Variants in FAM47E observed in about 807,000 individuals in gnomAD.
FAM47E encodes the protein protein FAM47E.
A neutral mutation model predicts 41.6 loss-of-function variants in FAM47E; 32 were observed. The ratio of observed to expected loss-of-function variants is 0.77; its 90% confidence interval spans 0.58 to 1.03. The LOEUF is 1.03. FAM47E is among the 50% of genes least tolerant of loss of function. The pLI is 0.00. For missense variants in FAM47E, 424 were observed against 485.4 expected (o/e 0.87, Z 1.19); for synonymous variants, 184 against 188.7 (o/e 0.98, Z 0.20).
At chr4:76,263,575 A>C in intron 2 of FAM47E, 129 bp from the exon 3 acceptor site, 1 of 1,102,124 alleles carries the variant, frequency 9.1e-7, no homozygotes, top group East Asian at 2.6e-5. Flanking sequence ...CTTGGCACAG[A>C]AGTTGGTGAA....
At chr4:76,219,202 G>C (rs1733266109) in intron 2 of FAM47E, among the ~76,000 whole-genome samples, 1 of 152,190 alleles carries the variant, frequency 6.6e-6, no homozygotes, top group Admixed American at 6.5e-5. Flanking sequence ...ATGGTGACCT[G>C]GGCATCCAGG....
chr4:76,245,440 C>T (rs1733805030), intron 2 of FAM47E, among the ~76,000 whole-genome samples: 1 of 152,048 alleles, frequency 6.6e-6, no homozygotes, highest in African/African-American at 2.4e-5. Context: ...CTGGTGGGAG[C>T]TCCAAGAGAA....
chr4:76,275,607 G>A (rs1009866877), intron 5 of FAM47E, among the ~76,000 whole-genome samples: 5 of 152,126 alleles, frequency 3.3e-5, no homozygotes, highest in East Asian at 1.9e-4. Flanking sequence ...TAACTATAGC[G>A]AAATGATGTC....
At chr4:76,224,760 T>C (rs1733366125) in intron 2 of FAM47E, among the ~76,000 whole-genome samples, 1 of 152,058 alleles carries the variant, frequency 6.6e-6, no homozygotes, top group African/African-American at 2.4e-5. Context: ...TTATTTATTT[T>C]TAATTTCAGA....
chr4:76,223,573 G>T (rs531931986), intron 2 of FAM47E, among the ~76,000 whole-genome samples: 7 of 152,168 alleles, frequency 4.6e-5, no homozygotes, highest in African/African-American at 1.7e-4. Flanking sequence ...ATCCCAAGAC[G>T]TTGCATTGGA....
chr4:76,279,769 GA>G (rs2110029297), intron 6 of FAM47E: 1 of 152,670 alleles, frequency 6.6e-6, no homozygotes, highest in South Asian at 2.1e-4. Flanking sequence ...ATTCTTGATA[GA>G]TTTGGTTTGG....
chr4:76,256,733 C>T (rs1247692804), intron 2 of FAM47E, among the ~76,000 whole-genome samples: 1 of 152,192 alleles, frequency 6.6e-6, no homozygotes, highest in East Asian at 1.9e-4. Context: ...GCACACTGCT[C>T]TCTTTGCTTC....
At chr4:76,254,980 C>A (rs571605599) in intron 1 of FAM47E, among the ~76,000 whole-genome samples, 45 of 152,124 alleles carry the variant, frequency 3.0e-4, no homozygotes, top group African/African-American at 8.2e-4. Flanking sequence ...ATATATATGG[C>A]GGTGGGAGAG....
upstream of FAM47E, among the ~76,000 whole-genome samples, chr4:76,251,147 G>T (rs1297787771): frequency 6.6e-6 from 1 of 152,080 alleles, no homozygotes; most frequent in Non-Finnish European, 1.5e-5. Context: ...TGCCTACCAG[G>T]GTCAGCTGGA....
chr4:76,275,250 C>T (rs1430601474), intron 5 of FAM47E, among the ~76,000 whole-genome samples: 1 of 152,096 alleles, frequency 6.6e-6, no homozygotes, highest in Non-Finnish European at 1.5e-5. Flanking sequence ...TCATAGTATT[C>T]TCGCTGCCTG....
At chr4:76,281,940 T>G (rs1393220463) in intron 7 of FAM47E, 1 of 152,184 alleles carries the variant, frequency 6.6e-6, no homozygotes, top group Non-Finnish European at 1.5e-5. Context: ...GCATTTATTA[T>G]TAAGTTTAGT....
Position 76,278,049 on chromosome 4 carries a change from A to AC in FAM47E, c.871-20_871-19insC. 3 of 1,466,872 alleles carry AC rather than the reference A, an allele frequency of 2.0e-6. No homozygotes were observed. The highest frequency in any genetic ancestry group is 2.7e-6 in the Non-Finnish European group (3 of 1,110,816). 90.9% of individuals were successfully genotyped at this position (1,466,872 alleles called of 1,614,324 possible). The stretch of plus-strand genomic sequence containing the variant: ...CAAACAAAAAATCAATGGCACTGGG[A>AC]ATTATGTTACTTTCCACAGAATCCT... On this transcript the variant is annotated intron_variant, in intron 5 of 7. Coordinates refer to ENST00000424749, the MANE Select transcript of FAM47E (RefSeq NM_001136570.3).
At chr4:76,258,893 A>G (rs1162870644) in intron 2 of FAM47E, among the ~76,000 whole-genome samples, 1 of 152,222 alleles carries the variant, frequency 6.6e-6, no homozygotes, top group Non-Finnish European at 1.5e-5. Context: ...GGAGATGAGT[A>G]TAAGTGTCAA....
Position 76,271,698 on chromosome 4 carries a change from G to A in FAM47E, c.800G>A (p.Gly267Glu), listed in dbSNP as rs1295916890. The A allele has an allele frequency of 1.3e-6, 2 of 1,551,658 alleles. No individual in the cohort carries two copies. Among genetic ancestry groups the A allele is most frequent in the Non-Finnish European group, 1.7e-6 (2 of 1,147,016 alleles). ...CCTCTGGAGCTAAAGCGTAGTGTGGGGCTCAGTAAACTGCAGGAGACAGAG... is the reference window on the plus strand; with the variant it reads ...CCTCTGGAGCTAAAGCGTAGTGTGGAGCTCAGTAAACTGCAGGAGACAGAG... ...QVPLELKRSV[G>E]LSKLQETEFF... Residue 267 changes from glycine to glutamate, a missense_variant, in exon 5 of 8, where the codon GGG (glycine) becomes GAG (glutamate). Coordinates refer to ENST00000424749, the MANE Select transcript of FAM47E (RefSeq NM_001136570.3).
chr4:76,231,553 C>T (rs4859434), intron 2 of FAM47E, among the ~76,000 whole-genome samples: 31,722 of 152,108 alleles, frequency 0.21, 3,506 homozygotes, highest in East Asian at 0.36. Flanking sequence ...CAAATCATGA[C>T]AGGACTGAGT....
chr4:76,229,759 CTGTG>C (rs1158170177), intron 2 of FAM47E, among the ~76,000 whole-genome samples: 1 of 152,186 alleles, frequency 6.6e-6, no homozygotes, highest in Non-Finnish European at 1.5e-5. Flanking sequence ...GAAGTAGACT[CTGTG>C]AGAGTCCTTG....
chr4:76,227,552 G>A (rs1733419050), intron 2 of FAM47E, among the ~76,000 whole-genome samples: 1 of 151,908 alleles, frequency 6.6e-6, no homozygotes, highest in African/African-American at 2.4e-5. Flanking sequence ...ATCTATCTGG[G>A]GTATAGTTTC....
At position 76,224,867 on chromosome 4, in the gene FAM47E, G is replaced by A. The variant is rs1303496909; in HGVS notation, c.81+7179G>A. ...CACACATCACCCAAGCAGTAAACAC[G>A]GTATCCAATGTGTAGTCTTTTATCC... On this transcript the variant is annotated intron_variant, in intron 2 of 7. Coordinates refer to the FAM47E transcript ENST00000510197. 2.6e-5 allele frequency among the ~76,000 whole-genome samples: 4 copies of A among 151,956 alleles called. No homozygotes were observed. In the East Asian group the frequency reaches 5.8e-4, roughly 22 times the overall value.
intron 2 of FAM47E, among the ~76,000 whole-genome samples, chr4:76,245,264 T>A (rs1307652569): frequency 2.0e-5 from 3 of 152,148 alleles, no homozygotes; most frequent in African/African-American, 7.2e-5. Flanking sequence ...ACTAAGATTT[T>A]AATGCAGGGA....
Sources: gnomAD v4.1 joint callset for allele counts (sites outside exome capture counted in the v4.1 genomes callset) on GRCh38, gnomAD v4.1.1 for gene constraint, MANE v1.5 for transcripts, NCBI Gene and HGNC (gene_info 2026-07-23, HGNC 2026-07-21) for gene names.